SLC3A1: variants seen among roughly 807,000 people sequenced by gnomAD.
The protein encoded by SLC3A1 is amino acid transporter heavy chain SLC3A1.
In SLC3A1, 78 loss-of-function variants were observed where a neutral mutation model predicts 60.3. The ratio of observed to expected loss-of-function variants is 1.29; its 90% CI spans 1.08 to 1.56. The LOEUF is 1.56. Ranked by LOEUF, SLC3A1 falls within the 40% of genes most tolerant of loss-of-function variation. SLC3A1 has a pLI of 0.00. For missense variants in SLC3A1, 1,172 were observed against 858.9 expected (o/e 1.36, Z -4.56); for synonymous variants, 392 against 307.9 (o/e 1.27, Z -2.86).
intron 7 of SLC3A1, among the ~76,000 whole-genome samples, chr2:44,310,764 T>C (rs940377937): frequency 5.3e-5 from 8 of 152,116 alleles, no homozygotes; most frequent in Non-Finnish European, 1.5e-5. Context: ...TATGCATATG[T>C]TGGTATGCAT....
intron 7 of SLC3A1, among the ~76,000 whole-genome samples, chr2:44,308,123 G>T (rs1259551659): frequency 6.6e-6 from 1 of 152,076 alleles, no homozygotes; most frequent in African/African-American, 2.4e-5. Flanking sequence ...GGGTGACAGA[G>T]TGAGACCCCG....
intron 1 of SLC3A1, among the ~76,000 whole-genome samples, chr2:44,277,336 A>C (rs1671371884): frequency 6.6e-6 from 1 of 150,648 alleles, no homozygotes; most frequent in East Asian, 1.9e-4. Flanking sequence ...CGAACTCCTG[A>C]CCTCAGGTGA....
chr2:44,294,532 A>G (rs1003122454), intron 4 of SLC3A1, among the ~76,000 whole-genome samples: 8 of 151,980 alleles, frequency 5.3e-5, no homozygotes, highest in Non-Finnish European at 1.0e-4. Context: ...TGAAAAGTCA[A>G]TTGACTCTGG....
chr2:44,301,923 C>T (rs1008695182), intron 6 of SLC3A1, among the ~76,000 whole-genome samples: 1 of 150,804 alleles, frequency 6.6e-6, no homozygotes, highest in Non-Finnish European at 1.5e-5. Flanking sequence ...GGCAAGGTGG[C>T]ACATGCCTGT....
At chr2:44,302,650 T>C (rs75333830) in intron 6 of SLC3A1, among the ~76,000 whole-genome samples, 3,928 of 152,268 alleles carry the variant, frequency 0.026, 170 homozygotes, top group African/African-American at 0.089. Context: ...GAATGTGTCT[T>C]CCCCCAGGGT....
chr2:44,288,122 G>C (rs191029683), intron 4 of SLC3A1, among the ~76,000 whole-genome samples: 113 of 151,762 alleles, frequency 7.4e-4, no homozygotes, highest in African/African-American at 2.6e-3. Context: ...GTGCCTCCCA[G>C]GTTCAAGCGA....
In SLC3A1 at chr2:44,320,235, T is replaced by C. The variant is rs766431278; in HGVS notation, c.1654T>C (p.Tyr552His). 4.3e-6 allele frequency: 7 copies of C among 1,613,930 alleles called. No individual in the cohort carries two copies. Among genetic ancestry groups the C allele is most frequent in the African/African-American group, 2.7e-5 (2 of 74,928 alleles). Residue 552 changes from tyrosine to histidine, a missense_variant, in exon 10 of 10, where the codon TAT (tyrosine) becomes CAT (histidine). Tyr to His is a moderately conservative substitution (Grantham distance 83). Transcript: ENST00000260649. ...TCAGCCCAGATCGGCTTTGAAGTTATATCAAGATTTAAGTCTACTTCATGC... is the reference window on the plus strand; with the variant it reads ...TCAGCCCAGATCGGCTTTGAAGTTACATCAAGATTTAAGTCTACTTCATGC... ...KTQPRSALKL[Y>H]QDLSLLHANE... is the part of the protein sequence containing the mutation.
chr2:44,311,534 G>C (rs962542367), intron 7 of SLC3A1, among the ~76,000 whole-genome samples: 1 of 152,086 alleles, frequency 6.6e-6, no homozygotes, highest in Non-Finnish European at 1.5e-5. Context: ...CCCAGTGTTT[G>C]TTGTGCTCTA....
intron 4 of SLC3A1, among the ~76,000 whole-genome samples, chr2:44,297,839 C>T (rs1469134140): frequency 6.6e-6 from 1 of 152,118 alleles, no homozygotes; most frequent in Non-Finnish European, 1.5e-5. Context: ...CTCAAGCGAT[C>T]CTCCCACCTC....
intron 3 of SLC3A1, among the ~76,000 whole-genome samples, chr2:44,284,121 C>G (rs111975401): frequency 2.7e-4 from 41 of 152,088 alleles, no homozygotes; most frequent in Admixed American, 1.0e-3. Context: ...GCTCTGTCGC[C>G]CAGGCTGGAC....
intron 3 of SLC3A1, among the ~76,000 whole-genome samples, chr2:44,283,335 C>G (rs1261543475): frequency 6.6e-6 from 1 of 152,346 alleles, no homozygotes; most frequent in East Asian, 1.9e-4. Flanking sequence ...AGTTTCACCT[C>G]TTTTTTTCCT....
rs763886297 is a variant in SLC3A1, at chr2:44,304,285, G to C, written c.1279G>C (p.Val427Leu). Residue 427 changes from valine (V) to leucine (L), a missense_variant, in exon 7 of 10, where the codon GTT becomes CTT. By Grantham distance (32) the Val-to-Leu change is conservative. Coordinates refer to ENST00000260649, the MANE Select transcript of SLC3A1 (RefSeq NM_000341.4). Reference sequence around the variant, plus strand: ...TGTTTCTGGGAACAGCGTGTATGAGGTTATCACATCCTGGATGGAAAACAT... The same window carrying C: ...TGTTTCTGGGAACAGCGTGTATGAGCTTATCACATCCTGGATGGAAAACAT... ...DTVSGNSVYE[V>L]ITSWMENMPE... The C allele has an allele frequency of 1.9e-6, 3 of 1,614,078 alleles. No homozygotes were observed. The highest frequency in any genetic ancestry group is 2.5e-6 in the Non-Finnish European group (3 of 1,180,024).
chr2:44,277,639 C>G (rs918301639), intron 1 of SLC3A1, among the ~76,000 whole-genome samples: 5 of 152,164 alleles, frequency 3.3e-5, no homozygotes, highest in Admixed American at 6.5e-5. Context: ...GACCTGCTGC[C>G]TTTTGCACAT....
At chr2:44,312,864 C>CA (rs1001288952) in intron 8 of SLC3A1, 111 bp downstream of exon 8, 2 of 868,562 alleles carry the variant, frequency 2.3e-6, no homozygotes, top group African/African-American at 3.4e-5. Context: ...TGCTGAAAAT[C>CA]ATGGTTACTT....
chr2:44,285,103 C>T (rs1030752812), intron 3 of SLC3A1: 1 of 152,016 alleles, frequency 6.6e-6, no homozygotes, highest in Non-Finnish European at 1.5e-5. Context: ...CTTTTGTATT[C>T]TGGATACTGA....
chr2:44,317,263 G>A (rs1672501988), intron 9 of SLC3A1, among the ~76,000 whole-genome samples: 1 of 152,084 alleles, frequency 6.6e-6, no homozygotes, highest in African/African-American at 2.4e-5. Context: ...AGGAGTTTGA[G>A]ACCAGCCTAG....
chr2:44,298,899 A>G (rs1324699765), intron 4 of SLC3A1, among the ~76,000 whole-genome samples: 1 of 152,190 alleles, frequency 6.6e-6, no homozygotes, highest in Non-Finnish European at 1.5e-5. Flanking sequence ...GGTTTCTAGC[A>G]CACACCTTTG....
chr2:44,306,111 C>G (rs1047540136), intron 7 of SLC3A1, among the ~76,000 whole-genome samples: 1 of 152,116 alleles, frequency 6.6e-6, no homozygotes, highest in Non-Finnish European at 1.5e-5. Flanking sequence ...TGCAGTTCAG[C>G]GACTTACCAA....
Sources: gnomAD v4.1 joint callset for allele counts (sites outside exome capture counted in the v4.1 genomes callset) on GRCh38, gnomAD v4.1.1 for gene constraint, MANE v1.5 for transcripts, NCBI Gene and HGNC (gene_info 2026-07-23, HGNC 2026-07-21) for gene names.